TYW1B: variants seen among roughly 807,000 people sequenced by gnomAD.
TYW1B encodes tRNA-yW synthesizing protein 1 homolog B.
A neutral mutation model predicts 86.9 loss-of-function variants in TYW1B; 73 were observed. The ratio of observed to expected loss-of-function variants is 0.84; its 90% CI spans 0.70 to 1.02. The LOEUF (loss-of-function observed/expected upper bound fraction) is 1.02, where lower values mean the gene tolerates loss of function less well. Among genes scored for constraint, TYW1B ranks in the 50% least tolerant of loss-of-function variants. The probability of loss-of-function intolerance (pLI) is 0.00; values close to 1 mark genes in which losing one functional copy is unlikely to be tolerated. For missense variants in TYW1B, 637 were observed against 827.4 expected, an observed-to-expected ratio of 0.77 and a Z score of 2.82; for synonymous variants, 248 against 292.8, an observed-to-expected ratio of 0.85 and a Z score of 1.56.
intron 10 of TYW1B, among the ~76,000 whole-genome samples, chr7:72,699,066 C>T (rs545081738): frequency 3.3e-5 from 5 of 152,042 alleles, no homozygotes; most frequent in African/African-American, 7.2e-5. Flanking sequence ...CACCACGCAG[C>T]GCCATGACTA....
chr7:72,711,688 C>A (rs1263678637), intron 10 of TYW1B, among the ~76,000 whole-genome samples: 1 of 151,334 alleles, frequency 6.6e-6, no homozygotes, highest in Non-Finnish European at 1.5e-5. Context: ...GGGGTTTCAC[C>A]ATGTTAGCCA....
intron 1 of TYW1B, among the ~76,000 whole-genome samples, chr7:72,827,699 T>A: frequency 6.6e-6 from 1 of 152,166 alleles, no homozygotes; most frequent in Admixed American, 6.6e-5. Flanking sequence ...TAAAAGATTC[T>A]CAAGTAACTG....
At chr7:72,818,558 A>G in intron 2 of TYW1B, among the ~76,000 whole-genome samples, 1 of 146,194 alleles carries the variant, frequency 6.8e-6, no homozygotes, top group South Asian at 2.2e-4. Flanking sequence ...CAGCCTGGGC[A>G]ACTAAGCGAG....
At chr7:72,598,133 C>T (rs1554432995) in intron 13 of TYW1B, among the ~76,000 whole-genome samples, 1 of 152,028 alleles carries the variant, frequency 6.6e-6, no homozygotes, top group Non-Finnish European at 1.5e-5. Flanking sequence ...GAAGGCAGAC[C>T]CACCCTTAAT....
intron 4 of TYW1B, among the ~76,000 whole-genome samples, chr7:72,808,529 CTTTTTT>C: frequency 7.2e-6 from 1 of 138,618 alleles, no homozygotes; most frequent in East Asian, 2.1e-4. Flanking sequence ...TTTTATTTTA[CTTTTTT>C]TTTTTTTTTG....
chr7:72,669,571 G>A (rs1554445955), intron 11 of TYW1B, among the ~76,000 whole-genome samples: 2 of 151,914 alleles, frequency 1.3e-5, no homozygotes, highest in African/African-American at 4.8e-5. Context: ...TTCAAGACTA[G>A]CCTGGCCAAC....
At chr7:72,734,468 A>G (rs1179063205) in intron 8 of TYW1B, among the ~76,000 whole-genome samples, 6 of 152,172 alleles carry the variant, frequency 3.9e-5, no homozygotes, top group African/African-American at 1.4e-4. Flanking sequence ...ACAGATTAAC[A>G]ACATACACGT....
intron 11 of TYW1B, among the ~76,000 whole-genome samples, chr7:72,665,479 T>C (rs1435943640): frequency 5.9e-5 from 9 of 152,228 alleles, no homozygotes; most frequent in Non-Finnish European, 1.0e-4. Flanking sequence ...GGGGATGTTA[T>C]ATGCAGCTGA....
chr7:72,792,326 CAA>C (rs1394879417), intron 6 of TYW1B, among the ~76,000 whole-genome samples: 2 of 114,766 alleles, frequency 1.7e-5, no homozygotes, highest in Admixed American at 9.3e-5. Flanking sequence ...GACTCCATCT[CAA>C]AAAAAAAAAG....
At chr7:72,702,686 C>A (rs1208772731) in intron 10 of TYW1B, among the ~76,000 whole-genome samples, 1 of 151,834 alleles carries the variant, frequency 6.6e-6, no homozygotes, top group Non-Finnish European at 1.5e-5. Flanking sequence ...TGCTCCCAGC[C>A]GAGATACTGG....
At chr7:72,683,009 C>A (rs549017542) in intron 11 of TYW1B, among the ~76,000 whole-genome samples, 1 of 152,290 alleles carries the variant, frequency 6.6e-6, no homozygotes, top group South Asian at 2.1e-4. Context: ...GAAACAGGAA[C>A]CATTTGACAT....
intron 11 of TYW1B, among the ~76,000 whole-genome samples, chr7:72,662,479 A>AC (rs1813357848): frequency 6.6e-6 from 1 of 151,758 alleles, no homozygotes; most frequent in African/African-American, 2.4e-5. Flanking sequence ...AGATAGATAA[A>AC]TTTTTTTCCT....
intron 13 of TYW1B, among the ~76,000 whole-genome samples, chr7:72,596,088 A>C (rs1180769736): frequency 6.6e-6 from 1 of 151,250 alleles, no homozygotes; most frequent in Non-Finnish European, 1.5e-5. Flanking sequence ...AGGAAGGAGA[A>C]TCACTTGAAC....
intron 8 of TYW1B, among the ~76,000 whole-genome samples, chr7:72,742,895 G>A (rs1399855808): frequency 6.6e-6 from 1 of 152,144 alleles, no homozygotes; most frequent in East Asian, 1.9e-4. Context: ...TTGCTAAAGG[G>A]AGAAATAATG....
At chr7:72,730,933 A>C (rs1554459776) in intron 8 of TYW1B, among the ~76,000 whole-genome samples, 1 of 136,530 alleles carries the variant, frequency 7.3e-6, no homozygotes, top group Admixed American at 7.0e-5. Context: ...TAAATGCCAA[A>C]AAAAAAAAAA....
intron 10 of TYW1B, among the ~76,000 whole-genome samples, chr7:72,705,648 T>C (rs184341987): frequency 1.3e-5 from 2 of 152,192 alleles, no homozygotes; most frequent in African/African-American, 4.8e-5. Flanking sequence ...GGACTAAATA[T>C]GAAGATAAGA....
At chr7:72,734,907 T>A (rs1459330270) in intron 8 of TYW1B, among the ~76,000 whole-genome samples, 1 of 152,158 alleles carries the variant, frequency 6.6e-6, no homozygotes, top group African/African-American at 2.4e-5. Context: ...AAAACCGCAA[T>A]GAAATTCCAT....
At chr7:72,638,368 T>A (rs1253645832) in intron 11 of TYW1B, among the ~76,000 whole-genome samples, 2 of 152,186 alleles carry the variant, frequency 1.3e-5, no homozygotes, top group Non-Finnish European at 1.5e-5. Context: ...ATTCAACATT[T>A]GAAAATCAGT....
chr7:72,686,530 T>C (rs2129570083), intron 11 of TYW1B, among the ~76,000 whole-genome samples: 1 of 152,196 alleles, frequency 6.6e-6, no homozygotes, highest in Admixed American at 6.5e-5. Flanking sequence ...AAAAGATCCA[T>C]CCATGGTTGC....
Sources: allele counts gnomAD v4.1 joint callset (sites outside exome capture counted in the v4.1 genomes callset), GRCh38; gene constraint gnomAD v4.1.1; transcripts MANE v1.5; gene names NCBI Gene and HGNC (gene_info 2026-07-23, HGNC 2026-07-21).